Variants in MYH11 observed in about 807,000 individuals in gnomAD.
MYH11 encodes the protein myosin-11.
MYH11 carries 80 observed loss-of-function variants against 246.6 expected under a neutral mutation model. The ratio of observed to expected loss-of-function variants is 0.32; its 90% CI spans 0.27 to 0.39. The LOEUF is 0.39. Among genes scored for constraint, MYH11 ranks in the 10% least tolerant of loss-of-function variants. The pLI, the probability that MYH11 is intolerant of heterozygous loss-of-function variation, is 1.00. For synonymous variants in MYH11, 1,071 were observed against 1,015.5 expected (o/e 1.05, Z -1.04); for missense variants, 2,158 against 2,546.8 (o/e 0.85, Z 3.29).
At chr16:15,762,805 T>C (rs1428410642) in intron 10 of MYH11, among the ~76,000 whole-genome samples, 1 of 152,238 alleles carries the variant, frequency 6.6e-6, no homozygotes, top group Non-Finnish European at 1.5e-5. Context: ...CCTGTCTTGA[T>C]TAATTGGCTC....
intron 9 of MYH11, among the ~76,000 whole-genome samples, chr16:15,766,423 C>T (rs2041985480): frequency 6.7e-6 from 1 of 149,044 alleles, no homozygotes. Flanking sequence ...GGTTGGAGTG[C>T]ATTGGTGCAA....
At chr16:15,783,673 AC>A (rs2151304314) in intron 5 of MYH11, 1 of 152,282 alleles carries the variant, frequency 6.6e-6, no homozygotes, top group Non-Finnish European at 1.5e-5. Context: ...ACTTTTGTTC[AC>A]ATAAACTTGG....
rs1203930286 is a variant in MYH11 at position 15,741,846 on chromosome 16, C to T, written c.2566G>A (p.Ala856Thr). The T allele has an allele frequency of 1.9e-6, 3 of 1,614,218 alleles. No homozygotes were observed. The South Asian group carries it at 3.3e-5, about 18-fold the overall frequency. Residue 856 changes from alanine (A) to threonine (T), a missense_variant, in exon 21 of 41, where the codon GCC becomes ACC. Around this residue, in one of 11 missense-constraint regions of MYH11, gnomAD observed 90 missense variants for 144.2 expected, o/e 0.62. Coordinates refer to ENST00000300036, the MANE Select transcript of MYH11 (RefSeq NM_002474.3). Reference protein sequence around the residue: ...QVTRQEEEMQAKEDELQKTKE... With the variant: ...QVTRQEEEMQTKEDELQKTKE... Reference sequence around the variant, plus strand: ...GTCTTCTGCAGTTCATCCTCCTTGGCCTGCATCTCCTCCTCCTGCCGTGTC... The same window carrying T: ...GTCTTCTGCAGTTCATCCTCCTTGGTCTGCATCTCCTCCTCCTGCCGTGTC...
chr16:15,784,964 G>C, intron 5 of MYH11: 1 of 438,262 alleles, frequency 2.3e-6, no homozygotes, highest in Admixed American at 3.8e-5. Flanking sequence ...CTCCCAAGTA[G>C]CTAAGACTAC....
At chr16:15,732,540 A>G (rs2040996403) in intron 27 of MYH11, 24 bp downstream of exon 27, 1 of 1,613,774 alleles carries the variant, frequency 6.2e-7, no homozygotes, top group African/African-American at 1.3e-5. Context: ...GTCATCACCA[A>G]AAAGCATCAC....
At chr16:15,739,133 T>C (rs1328790005) in intron 23 of MYH11, among the ~76,000 whole-genome samples, 2 of 151,446 alleles carry the variant, frequency 1.3e-5, no homozygotes, top group Non-Finnish European at 2.9e-5. Context: ...AGAGTCTCAC[T>C]CTGTCGCCCA....
intron 4 of MYH11, among the ~76,000 whole-genome samples, chr16:15,794,394 T>A (rs938436252): frequency 1.1e-4 from 17 of 152,206 alleles, no homozygotes; most frequent in African/African-American, 3.1e-4. Context: ...CAAAATAAAA[T>A]TGAATACAGA....
At chr16:15,718,257 G>A in intron 37 of MYH11, 58 bp downstream of exon 37, 1 of 1,603,184 alleles carries the variant, frequency 6.2e-7, no homozygotes, top group Non-Finnish European at 8.5e-7. Flanking sequence ...ACTGGTGCAG[G>A]ATCCTGCTGC....
chr16:15,819,734 C>T (rs1014765614), intron 3 of MYH11, among the ~76,000 whole-genome samples: 6 of 152,086 alleles, frequency 3.9e-5, no homozygotes, highest in African/African-American at 1.2e-4. Flanking sequence ...GTAATGCGCT[C>T]GAATCATCCC....
intron 10 of MYH11, 23 bp from the exon 11 acceptor site, chr16:15,760,681 G>T: frequency 1.4e-6 from 2 of 1,451,860 alleles, no homozygotes; most frequent in South Asian, 1.1e-5. Flanking sequence ...AAGAAACATC[G>T]TGAGTGCATC....
At chr16:15,817,838 TC>T (rs1343314385) in intron 3 of MYH11, among the ~76,000 whole-genome samples, 2 of 152,166 alleles carry the variant, frequency 1.3e-5, no homozygotes, top group East Asian at 1.9e-4. Flanking sequence ...TAGAAAGCCA[TC>T]CCTGCCCCCT....
chr16:15,836,719 CTTTTTTT>C (rs780997939), intron 2 of MYH11, among the ~76,000 whole-genome samples: 38 of 95,094 alleles, frequency 4.0e-4, no homozygotes, highest in South Asian at 7.0e-4. Context: ...TTTAATGTTT[CTTTTTTT>C]TTTTTTTTTT....
chr16:15,753,422 G>C lies in MYH11; in HGVS notation c.1836C>G (p.Asp612Glu), dbSNP rs757513207. The change falls in exon 15 of 41, where the codon GAC becomes GAG. Residue 612 changes from aspartate to glutamate, a missense_variant. By Grantham distance (45) the Asp-to-Glu change is conservative. Coordinates refer to ENST00000300036, the MANE Select transcript of MYH11 (RefSeq NM_002474.3). ...CCTTCCACAGGTCGGCCACAAACTT[G>C]TCGGAGGAGGCATTGAGCAGGGAAG... is the stretch of plus-strand genomic sequence containing the variant. ...NVTSLLNASS[D>E]KFVADLWKDV... is the part of the protein sequence containing the mutation. 1 of 1,614,004 alleles carries C rather than the reference G, an allele frequency of 6.2e-7. No individual in the cohort carries two copies. The highest frequency in any genetic ancestry group is 1.3e-5 in the African/African-American group (1 of 74,904).
In MYH11 at chr16:15,732,693, C is replaced by T. The variant is rs1274315373; in HGVS notation, c.3522G>A (p.Gln1174=). The change falls in exon 27 of 41, where the codon CAG becomes CAA. Residue 1174 remains glutamine, a synonymous_variant. Transcript: ENST00000300036. ...TQQELRAKRE[Q]EVTVLKKALD... ...GGGCCTTCTTCAGCACCGTCACCTC[C>T]TGCTCCCTCTTGGCCCTTGGTGGGA... is the stretch of plus-strand genomic sequence containing the variant. The T allele has an allele frequency of 2.5e-6, 4 of 1,614,236 alleles. No individual in the cohort carries two copies. Among genetic ancestry groups the T allele is most frequent in the Non-Finnish European group, 3.4e-6 (4 of 1,180,050 alleles).
chr16:15,808,334 C>A (rs1277251983), intron 3 of MYH11, among the ~76,000 whole-genome samples: 1 of 152,162 alleles, frequency 6.6e-6, no homozygotes, highest in Non-Finnish European at 1.5e-5. Flanking sequence ...CTGGAGTAAG[C>A]ACAGTCATCA....
chr16:15,711,380 A>G (rs1003871415), intron 40 of MYH11: 1 of 152,060 alleles, frequency 6.6e-6, no homozygotes, highest in African/African-American at 2.4e-5. Flanking sequence ...CTCCCTTTTT[A>G]GTGGAGAAGT....
chr16:15,718,113 G>T, intron 37 of MYH11: 2 of 779,546 alleles, frequency 2.6e-6, no homozygotes, highest in African/African-American at 1.7e-5. Flanking sequence ...AGACACTGCA[G>T]CGTGGAGAGG....
chr16:15,817,323 C>A (rs1460606094), intron 3 of MYH11, among the ~76,000 whole-genome samples: 5 of 152,122 alleles, frequency 3.3e-5, no homozygotes, highest in Non-Finnish European at 7.3e-5. Flanking sequence ...AAAACCCCAT[C>A]TCTACTAAAA....
intron 40 of MYH11, chr16:15,713,122 G>A (rs1384219220): frequency 6.6e-6 from 1 of 152,000 alleles, no homozygotes; most frequent in African/African-American, 2.4e-5. Context: ...TCCATTTGCT[G>A]ATGGAGCAAA....
Sources: gnomAD v4.1 joint callset for allele counts (sites outside exome capture counted in the v4.1 genomes callset) on GRCh38, gnomAD v4.1.1 for gene constraint, gnomAD v4.1.1 regional missense constraint, MANE v1.5 for transcripts, NCBI Gene and HGNC (gene_info 2026-07-23, HGNC 2026-07-21) for gene names.